NECAB2: variants seen among roughly 807,000 people sequenced by gnomAD.
NECAB2 encodes the protein N-terminal EF-hand calcium-binding protein 2.
A neutral mutation model predicts 51.9 loss-of-function variants in NECAB2; 68 were observed. The observed-to-expected ratio is 1.31, with a 90% CI of 1.08 to 1.60. The LOEUF (loss-of-function observed/expected upper bound fraction) is 1.60, where lower values mean the gene tolerates loss of function less well. NECAB2 is among the 40% of genes most tolerant of loss of function. The pLI, the probability that NECAB2 is intolerant of heterozygous loss-of-function variation, is 0.00. For synonymous variants in NECAB2, 329 were observed against 203.5 expected (o/e 1.62, Z -5.25); for missense variants, 854 against 490.3 (o/e 1.74, Z -7.00).
chr16:83,969,340 C>G (rs1021614884), intron 1 of NECAB2, among the ~76,000 whole-genome samples: 1 of 152,074 alleles, frequency 6.6e-6, no homozygotes, highest in African/African-American at 2.4e-5. Context: ...ATCTCACGCT[C>G]AAAGACCCTT....
intron 5 of NECAB2, among the ~76,000 whole-genome samples, chr16:83,984,882 CAT>C (rs1243798856): frequency 2.0e-5 from 3 of 152,142 alleles, no homozygotes; most frequent in South Asian, 2.1e-4. Context: ...AATTTCATGA[CAT>C]GTTTTCTTAT....
intron 1 of NECAB2, 27 bp from the exon 2 acceptor site, chr16:83,972,124 G>A: frequency 6.2e-7 from 1 of 1,612,916 alleles, no homozygotes; most frequent in Non-Finnish European, 8.5e-7. Flanking sequence ...CCTGGCCCAG[G>A]GCTGACTCCG....
At chr16:83,965,794 G>A (rs749766717), upstream of NECAB2, 1 of 1,613,114 alleles carries the variant, frequency 6.2e-7, no homozygotes, top group African/African-American at 1.3e-5. Context: ...TCCTGCCTGG[G>A]GCAGGGGCTG....
intron 2 of NECAB2, among the ~76,000 whole-genome samples, chr16:83,975,923 G>T (rs1445225051): frequency 6.6e-6 from 1 of 152,186 alleles, no homozygotes; most frequent in Non-Finnish European, 1.5e-5. Flanking sequence ...TTCCTCATTA[G>T]TGAATTCATT....
intron 1 of NECAB2, among the ~76,000 whole-genome samples, chr16:83,969,503 G>A (rs2084325930): frequency 6.8e-6 from 1 of 146,252 alleles, no homozygotes; most frequent in African/African-American, 2.6e-5. Context: ...CAAGTCCTCT[G>A]TTCCCTTCCC....
chr16:84,001,344 A>C (rs1401247405), intron 11 of NECAB2, among the ~76,000 whole-genome samples: 1 of 152,090 alleles, frequency 6.6e-6, no homozygotes, highest in Non-Finnish European at 1.5e-5. Context: ...GCCTAGGGGT[A>C]GCCCATGCCC....
At chr16:83,972,730 T>C (rs1224960226) in intron 2 of NECAB2, among the ~76,000 whole-genome samples, 3 of 152,114 alleles carry the variant, frequency 2.0e-5, no homozygotes, top group East Asian at 3.9e-4. Context: ...TCCCTTTCTC[T>C]CTCAGCCTCT....
chr16:83,984,561 AAAAAC>A (rs1179841090), intron 5 of NECAB2, among the ~76,000 whole-genome samples: 2 of 151,918 alleles, frequency 1.3e-5, no homozygotes, highest in African/African-American at 2.4e-5. Context: ...CGTTTCTACC[AAAAAC>A]AAAACAAAAC....
At position 83,998,250 on chromosome 16, in the gene NECAB2, C is replaced by G. The variant is rs79927653; in HGVS notation, c.895C>G (p.Leu299Val). The G allele has an allele frequency of 2.5e-6, 4 of 1,612,984 alleles. No individual in the cohort carries two copies. Among genetic ancestry groups the G allele is most frequent in the South Asian group, 2.2e-5 (2 of 91,078 alleles). ...RQEMAVCPEQ[L>V]SEFLDSLRQY... ...GGAGATGGCCGTGTGCCCCGAGCAACTGAGCGAGTTTCTGGACTCTCTGCG... is the reference window on the plus strand; with the variant it reads ...GGAGATGGCCGTGTGCCCCGAGCAAGTGAGCGAGTTTCTGGACTCTCTGCG... The change falls in exon 10 of 13, where the codon CTG (leucine) becomes GTG (valine). Residue 299 changes from leucine (L) to valine (V), a missense_variant. By Grantham distance (32) the Leu-to-Val change is conservative. Coordinates refer to ENST00000305202, the MANE Select transcript of NECAB2 (RefSeq NM_019065.3).
At position 83,987,449 on chromosome 16, in the gene NECAB2, T is replaced by C. The variant is rs77379045; in HGVS notation, c.460-3045T>C. Among the ~76,000 whole-genome samples, 307 of 152,366 alleles carry C rather than the reference T, an allele frequency of 2.0e-3. 6 individuals are homozygous for C. The East Asian group carries it at 0.042, about 21-fold the overall frequency. On this transcript the variant is annotated intron_variant, in intron 5 of 12. Transcript: ENST00000305202. ...ACTTCTGTTATATAATGGTACGTAG[T>C]TGATATGCAAAATTTAGGGAGTAAA...
chr16:84,000,692 A>T, intron 10 of NECAB2, 32 bp from the exon 11 acceptor site: 3 of 1,609,034 alleles, frequency 1.9e-6, no homozygotes, highest in Non-Finnish European at 2.6e-6. Context: ...GTTGAGCTCC[A>T]GCCTCCTCCC....
chr16:83,974,947 TGTGGGTGCAGGGATGGGAACAGGTGTGC>T (rs1469050367), intron 2 of NECAB2, among the ~76,000 whole-genome samples: 4 of 78,702 alleles, frequency 5.1e-5, no homozygotes, highest in African/African-American at 2.3e-4. Flanking sequence ...TGCAGGGAGG[TGTGGGTGCAGGGATGGGAACAGGTGTGC>T]AGGGAGGTGT....
chr16:84,001,046 C>T (rs763195023), intron 11 of NECAB2, among the ~76,000 whole-genome samples: 5 of 152,126 alleles, frequency 3.3e-5, no homozygotes, highest in Non-Finnish European at 4.4e-5. Flanking sequence ...TGCTTCTGTG[C>T]CCCTAGAGCA....
intron 5 of NECAB2, among the ~76,000 whole-genome samples, chr16:83,989,173 G>A (rs75527600): frequency 0.014 from 2,113 of 152,260 alleles, 51 homozygotes; most frequent in African/African-American, 0.049. Flanking sequence ...GGCCATTCGC[G>A]TGTCTGGAGT....
At chr16:83,986,232 G>T (rs1420148758) in intron 5 of NECAB2, among the ~76,000 whole-genome samples, 1 of 152,134 alleles carries the variant, frequency 6.6e-6, no homozygotes, top group Non-Finnish European at 1.5e-5. Flanking sequence ...GGCCAGGCTG[G>T]TCTTGAACTC....
chr16:83,989,765 C>G (rs2084598432), intron 5 of NECAB2, among the ~76,000 whole-genome samples: 1 of 152,200 alleles, frequency 6.6e-6, no homozygotes, highest in Non-Finnish European at 1.5e-5. Context: ...TGCAGAATCT[C>G]AGGACAGAGG....
intron 2 of NECAB2, among the ~76,000 whole-genome samples, chr16:83,976,534 A>G (rs2084413302): frequency 6.6e-6 from 1 of 152,198 alleles, no homozygotes; most frequent in Non-Finnish European, 1.5e-5. Context: ...CAGAACACAG[A>G]AAGCAACAAC....
At chr16:84,000,419 T>G (rs2084806379) in intron 10 of NECAB2, among the ~76,000 whole-genome samples, 2 of 152,114 alleles carry the variant, frequency 1.3e-5, no homozygotes, top group African/African-American at 4.8e-5. Flanking sequence ...TCCCCGCTAC[T>G]TGGAAGGCTG....
chr16:83,982,902 A>T (rs1187969108), intron 5 of NECAB2, among the ~76,000 whole-genome samples: 2 of 147,954 alleles, frequency 1.4e-5, no homozygotes, highest in Non-Finnish European at 3.0e-5. Context: ...ACAGAGTCTC[A>T]CTCTTGTCCA....
Sources: allele counts gnomAD v4.1 joint callset (sites outside exome capture counted in the v4.1 genomes callset), GRCh38; gene constraint gnomAD v4.1.1; transcripts MANE v1.5; gene names NCBI Gene and HGNC (gene_info 2026-07-23, HGNC 2026-07-21).